The following FAAP100 variants were observed in gnomAD, a reference collection of about 807,000 sequenced individuals.
The protein encoded by FAAP100 is Fanconi anemia core complex-associated protein 100.
In FAAP100, 46 loss-of-function variants were observed where a neutral mutation model predicts 65.8. That is an observed-to-expected ratio of 0.70 (90% CI 0.55 to 0.89). The LOEUF is 0.89. FAAP100 is among the 40% of genes least tolerant of loss of function. The pLI, the probability that FAAP100 is intolerant of heterozygous loss-of-function variation, is 0.00. For synonymous variants in FAAP100, 663 were observed against 555.1 expected, an observed-to-expected ratio of 1.19 and a Z score of -2.73; for missense variants, 1,165 against 1,196.7, an observed-to-expected ratio of 0.97 and a Z score of 0.39.
At chr17:81,552,460 C>G, upstream of FAAP100, 3 of 868,956 alleles carry the variant, frequency 3.5e-6, no homozygotes, top group Non-Finnish European at 4.6e-6. Context: ...CGGGGGCGGG[C>G]CGGAAAGGAC....
Position 81,547,064 on chromosome 17 carries a change from CG to C in FAAP100, c.2017del (p.Arg673GlufsTer47). 6.5e-7 allele frequency: 1 copy of C among 1,549,780 alleles called. No homozygotes were observed. The highest frequency in any genetic ancestry group is 8.7e-7 in the Non-Finnish European group (1 of 1,148,626). ...TTCCAGAAAAGTGGCCACAGGGTCT[CG>C]GGTGGGGCCGAGTGGGGAGGGGGCC... ...TRAPSPLGPT[R>X]DPVATFLETC... On this transcript the variant is annotated frameshift_variant, in exon 5 of 9. Transcript: ENST00000327787. LOFTEE classifies it high-confidence loss of function.
chr17:81,544,539 T>C (rs2033228708), intron 6 of FAAP100, among the ~76,000 whole-genome samples: 1 of 152,194 alleles, frequency 6.6e-6, no homozygotes, highest in Admixed American at 6.5e-5. Context: ...AGATCACCTC[T>C]GGCAGCAGGG....
intron 2 of FAAP100, chr17:81,551,727 C>T (rs992995134): frequency 1.7e-5 from 23 of 1,342,588 alleles, no homozygotes; most frequent in Middle Eastern, 2.7e-4. Flanking sequence ...GTGAACCCCA[C>T]TTACTAAGGA....
At chr17:81,552,121 GCCGCCCCCGCCCGGTCCCTC>G in intron 1 of FAAP100, 25 bp downstream of exon 1, 3 of 1,469,708 alleles carry the variant, frequency 2.0e-6, no homozygotes, top group Non-Finnish European at 2.7e-6. Flanking sequence ...CACGCGAACC[GCCGCCCCCGCCCGGTCCCTC>G]CCGCCCCCGC....
Position 81,540,609 on chromosome 17 carries a change from G to A in FAAP100, c.*210C>T. On this transcript the variant is annotated 3_prime_UTR_variant, in exon 9 of 9. Coordinates refer to ENST00000327787, the MANE Select transcript of FAAP100 (RefSeq NM_025161.6). The stretch of plus-strand genomic sequence containing the variant: ...CGCGAAGCTGGACCGGCCAGGTTCA[G>A]AGCCCGCCTCGGTTGCTCCCAATCA... 1.6e-6 allele frequency: 1 copy of A among 630,830 alleles called. No individual in the cohort carries two copies. The highest frequency in any genetic ancestry group is 3.1e-5 in the East Asian group (1 of 31,826). The allele number at this position is 630,830 out of a possible 1,614,324, so 39.1% of individuals were successfully genotyped here.
chr17:81,543,778 C>T (rs2033199503), intron 7 of FAAP100, among the ~76,000 whole-genome samples: 1 of 152,164 alleles, frequency 6.6e-6, no homozygotes, highest in Non-Finnish European at 1.5e-5. Context: ...GGTGACGGCA[C>T]ACCTGGGGAG....
chr17:81,551,691 C>T lies in FAAP100; in HGVS notation c.290+237G>A. ...CCACCAGGGCCCAAAGGACAGGATCCCGCGCCCCGCCGTGGGCTTAACCAT... is the reference window on the plus strand; with the variant it reads ...CCACCAGGGCCCAAAGGACAGGATCTCGCGCCCCGCCGTGGGCTTAACCAT... On this transcript the variant is annotated intron_variant, in intron 2 of 8. Coordinates refer to ENST00000327787, the MANE Select transcript of FAAP100 (RefSeq NM_025161.6). 4 of 1,327,538 alleles carry T rather than the reference C, an allele frequency of 3.0e-6. No individual in the cohort carries two copies. In the South Asian group the frequency reaches 8.6e-5, roughly 28 times the overall value. The allele number at this position is 1,327,538 out of a possible 1,614,324, so 82.2% of individuals were successfully genotyped here.
At position 81,547,122 on chromosome 17, in the gene FAAP100, G is replaced by C. The variant is rs774903762; in HGVS notation, c.1960C>G (p.Arg654Gly). 6.5e-7 allele frequency: 1 copy of C among 1,528,638 alleles called. No individual in the cohort carries two copies. The highest frequency in any genetic ancestry group is 2.3e-5 in the East Asian group (1 of 44,078). The allele number at this position is 1,528,638 out of a possible 1,614,324, so 94.7% of individuals were successfully genotyped here. The change falls in exon 5 of 9, where the codon CGC becomes GGC. Residue 654 changes from arginine to glycine, a missense_variant. Arg to Gly is a moderately radical substitution (Grantham distance 125). Transcript: ENST00000327787. ...TGTGGCGGGGCCAGGCCAGGGAAGC[G>C]CAGACACTGCAGCATGTCCACTGTG... ...RHTVDMLQCL[R>G]FPGLAPPHTR... is the part of the protein sequence containing the mutation.
At chr17:81,546,573 A>G (rs1055975672) in intron 5 of FAAP100, 4 of 290,234 alleles carry the variant, frequency 1.4e-5, no homozygotes, top group East Asian at 5.8e-5. Flanking sequence ...AGGGCTCCAC[A>G]TAAGGCCAGA....
rs529872775 is a variant in FAAP100 at position 81,544,188 on chromosome 17, A to T, written c.2311-68T>A. The T allele has an allele frequency of 8.6e-5, 112 of 1,308,590 alleles. 2 individuals carry two copies. The Admixed American group carries it at 1.9e-3, about 22-fold the overall frequency. The allele number at this position is 1,308,590 out of a possible 1,614,324, so 81.1% of individuals were successfully genotyped here. On this transcript the variant is annotated intron_variant, in intron 6 of 8. Transcript: ENST00000327787. Reference sequence around the variant, plus strand: ...CACCTGCCCGGGGGGCTCAGGCTACACAGGAGCCTCCCCAGCTGGCAGCAC... The same window carrying T: ...CACCTGCCCGGGGGGCTCAGGCTACTCAGGAGCCTCCCCAGCTGGCAGCAC...
Position 81,547,544 on chromosome 17 carries a change from G to A in FAAP100, c.1538C>T (p.Thr513Ile). 6.2e-7 allele frequency: 1 copy of A among 1,613,456 alleles called. No homozygotes were observed. Among genetic ancestry groups the A allele is most frequent in the Non-Finnish European group, 8.5e-7 (1 of 1,180,016 alleles). Residue 513 changes from threonine (T) to isoleucine (I), a missense_variant, in exon 5 of 9, where the codon ACC becomes ATC. Physicochemically the swap from Thr to Ile is moderately conservative, Grantham distance 89 (BLOSUM62 -1). Transcript: ENST00000327787. ...PRPISCTTSTTWSRLQTQDVL... is the reference protein window; with the variant it reads ...PRPISCTTSTIWSRLQTQDVL... ...ATCCTGTGTCTGCAGGCGGCTCCAG[G>A]TGGTGCTGGTGGTGCAGGAGATGGG...
intron 7 of FAAP100, among the ~76,000 whole-genome samples, chr17:81,542,891 CAG>C (rs1396407178): frequency 2.6e-5 from 4 of 152,224 alleles, no homozygotes; most frequent in African/African-American, 7.2e-5. Context: ...GTCCAGTGGG[CAG>C]AGTTTCCTCT....
intron 7 of FAAP100, among the ~76,000 whole-genome samples, chr17:81,542,675 C>T (rs2033159887): frequency 6.6e-6 from 1 of 152,214 alleles, no homozygotes; most frequent in African/African-American, 2.4e-5. Flanking sequence ...TCAGGCCCCC[C>T]AGATTCATGC....
chr17:81,541,112 G>A (rs2033078270), intron 8 of FAAP100, among the ~76,000 whole-genome samples, 162 bp from the exon 9 acceptor site: 2 of 152,178 alleles, frequency 1.3e-5, no homozygotes, highest in South Asian at 4.1e-4. Context: ...CACGCAGCCT[G>A]GCCCGGACAC....
intron 3 of FAAP100, among the ~76,000 whole-genome samples, chr17:81,549,869 C>T (rs770916511): frequency 2.0e-5 from 3 of 152,220 alleles, no homozygotes; most frequent in Non-Finnish European, 4.4e-5. Flanking sequence ...CACGAGCAAG[C>T]GTTTGCAGCC....
Position 81,552,287 on chromosome 17 carries a change from C to G in FAAP100, c.44G>C (p.Cys15Ser). The change falls in exon 1 of 9, where the codon TGC becomes TCC. Residue 15 changes from cysteine (C) to serine (S), a missense_variant. Coordinates refer to ENST00000327787, the MANE Select transcript of FAAP100 (RefSeq NM_025161.6). ...APRVRYLAGFCCPLGGLAAGK... is the reference protein window; with the variant it reads ...APRVRYLAGFSCPLGGLAAGK... ...CGCCGCCAGGCCCCCGAGAGGGCAG[C>G]AGAAGCCCGCCAGGTAGCGGACCCG... 6.9e-7 allele frequency: 1 copy of G among 1,456,694 alleles called. No individual in the cohort carries two copies. The highest frequency in any genetic ancestry group is 9.0e-7 in the Non-Finnish European group (1 of 1,111,900). The allele number at this position is 1,456,694 out of a possible 1,614,324, so 90.2% of individuals were successfully genotyped here. A position where few individuals can be genotyped will look rare whatever the true frequency, so the allele number is the denominator to read the frequency against.
Position 81,550,269 on chromosome 17 carries a change from C to T in FAAP100, c.1225G>A (p.Ala409Thr), listed in dbSNP as rs780837059. The change falls in exon 3 of 9, where the codon GCG becomes ACG. Residue 409 changes from alanine to threonine, a missense_variant. Coordinates refer to ENST00000327787, the MANE Select transcript of FAAP100 (RefSeq NM_025161.6). ...LNICSVVSLS[A>T]SPRTHEGGTK... Reference sequence around the variant, plus strand: ...ATACCTTCATGCGTCCTGGGAGACGCGGACAGCGAGACGACACTGCAGATG... The same window carrying T: ...ATACCTTCATGCGTCCTGGGAGACGTGGACAGCGAGACGACACTGCAGATG... 35 of 1,606,288 alleles carry T rather than the reference C, an allele frequency of 2.2e-5. No homozygotes were observed. Among genetic ancestry groups the T allele is most frequent in the Admixed American group, 6.8e-5 (4 of 59,084 alleles).
intron 6 of FAAP100, among the ~76,000 whole-genome samples, chr17:81,544,714 G>A (rs2033237679): frequency 6.6e-6 from 1 of 152,238 alleles, no homozygotes. Flanking sequence ...GAGGTGAGAC[G>A]CCAGGGGCCT....
At position 81,545,375 on chromosome 17, in the gene FAAP100, G is replaced by A. The variant is rs994343807; in HGVS notation, c.2310+371C>T. ...CCAGCAGTGCCATTTGCCATTCAGC[G>A]GCTTCCACGACAGGTCTGGAGCCTT... On this transcript the variant is annotated intron_variant, in intron 6 of 8. Coordinates refer to ENST00000327787, the MANE Select transcript of FAAP100 (RefSeq NM_025161.6). Among the ~76,000 whole-genome samples, 6 of 152,232 alleles carry A rather than the reference G, an allele frequency of 3.9e-5. No homozygotes were observed. In the East Asian group the frequency reaches 7.7e-4, roughly 20 times the overall value.
Sources: gnomAD v4.1 joint callset for allele counts (sites outside exome capture counted in the v4.1 genomes callset) on GRCh38, gnomAD v4.1.1 for gene constraint, MANE v1.5 for transcripts, NCBI Gene and HGNC (gene_info 2026-07-23, HGNC 2026-07-21) for gene names.